The following TNIK variants were observed in gnomAD, a reference collection of about 807,000 sequenced individuals.
TNIK encodes the protein TRAF2 and NCK interacting kinase.
In TNIK, 49 loss-of-function variants were observed where a neutral mutation model predicts 191.3. The observed-to-expected ratio is 0.26, with a 90% CI of 0.20 to 0.32. The LOEUF (loss-of-function observed/expected upper bound fraction) is 0.32, where lower values mean the gene tolerates loss of function less well. TNIK is among the 10% of genes least tolerant of loss of function. The pLI, the probability that TNIK is intolerant of heterozygous loss-of-function variation, is 1.00. For synonymous variants in TNIK, 594 were observed against 600.9 expected (o/e 0.99, Z 0.17); for missense variants, 1,155 against 1,702.3 (o/e 0.68, Z 5.66).
At chr3:171,282,280 A>AT (rs1750517590) in intron 2 of TNIK, among the ~76,000 whole-genome samples, 1 of 150,268 alleles carries the variant, frequency 6.7e-6, no homozygotes, top group East Asian at 1.9e-4. Context: ...CAGCCAGAAG[A>AT]TTTTTTTTAA....
chr3:171,388,406 A>G (rs568432958), intron 1 of TNIK, among the ~76,000 whole-genome samples: 24 of 152,358 alleles, frequency 1.6e-4, no homozygotes, highest in Non-Finnish European at 2.9e-4. Flanking sequence ...AGTAACTTAC[A>G]TATTTTTAAA....
At chr3:171,201,550 C>T (rs1739404581) in intron 4 of TNIK, among the ~76,000 whole-genome samples, 1 of 152,190 alleles carries the variant, frequency 6.6e-6, no homozygotes, top group South Asian at 2.1e-4. Context: ...CAGATCTCAT[C>T]TGCATGATTT....
intron 18 of TNIK, among the ~76,000 whole-genome samples, chr3:171,116,709 CTT>C (rs1726757284): frequency 9.3e-6 from 1 of 107,606 alleles, no homozygotes; most frequent in Admixed American, 9.4e-5. Context: ...GTATTTCTGA[CTT>C]AATTTGAATC....
intron 1 of TNIK, among the ~76,000 whole-genome samples, chr3:171,412,187 C>T (rs974924140): frequency 2.6e-5 from 4 of 152,192 alleles, no homozygotes; most frequent in African/African-American, 9.7e-5. Context: ...GACAGGCAGA[C>T]ATCAAGTTCT....
intron 2 of TNIK, among the ~76,000 whole-genome samples, chr3:171,237,888 TTTAAAC>T: frequency 6.6e-6 from 1 of 152,254 alleles, no homozygotes; most frequent in East Asian, 1.9e-4. Flanking sequence ...TTGCACTCCT[TTTAAAC>T]TTAAACTAGA....
chr3:171,426,207 A>G (rs910089105), intron 1 of TNIK, among the ~76,000 whole-genome samples: 5 of 151,934 alleles, frequency 3.3e-5, no homozygotes. Context: ...CATATACACC[A>G]TGGAATACAA....
intron 1 of TNIK, 145 bp downstream of exon 1, chr3:171,459,862 G>T: frequency 9.7e-7 from 1 of 1,032,892 alleles, no homozygotes; most frequent in Non-Finnish European, 1.4e-6. Flanking sequence ...CAGCAACCCC[G>T]AATCAAAACG....
intron 1 of TNIK, among the ~76,000 whole-genome samples, chr3:171,387,782 G>T (rs1718929032): frequency 6.6e-6 from 1 of 152,126 alleles, no homozygotes; most frequent in South Asian, 2.1e-4. Context: ...CTAGGAGTGA[G>T]GCATATGAAG....
intron 2 of TNIK, among the ~76,000 whole-genome samples, chr3:171,298,401 T>C (rs1752547052): frequency 6.6e-6 from 1 of 152,234 alleles, no homozygotes; most frequent in Admixed American, 6.5e-5. Context: ...GAAATATATG[T>C]CTGTGGCAGA....
chr3:171,411,559 C>G lies in TNIK; in HGVS notation c.58-41874G>C, dbSNP rs77148087. On this transcript the variant is annotated intron_variant, in intron 1 of 32. Transcript: ENST00000436636. The stretch of plus-strand genomic sequence containing the variant: ...AGGTTTAATTCCAAATTTTGGTCAC[C>G]GAAAGACTTCATGGCTCACCTTTTT... Among the ~76,000 whole-genome samples the G allele has an allele frequency of 4.4e-3, 670 of 151,842 alleles. 5 individuals carry two copies. The highest frequency in any genetic ancestry group is 0.016 in the African/African-American group (644 of 41,414).
intron 2 of TNIK, among the ~76,000 whole-genome samples, chr3:171,229,959 G>A (rs1202331690): frequency 6.6e-6 from 1 of 152,140 alleles, no homozygotes; most frequent in Non-Finnish European, 1.5e-5. Context: ...CTCTGCCCAT[G>A]ACCACCGGCT....
At chr3:171,066,856 A>C in intron 30 of TNIK, 121 bp from the exon 31 acceptor site, 1 of 1,211,134 alleles carries the variant, frequency 8.3e-7, no homozygotes, top group Non-Finnish European at 1.1e-6. Flanking sequence ...TAAAGACTGA[A>C]ATTTGCTTTA....
chr3:171,234,541 G>C (rs887218317), intron 2 of TNIK, among the ~76,000 whole-genome samples: 1 of 152,162 alleles, frequency 6.6e-6, no homozygotes, highest in Non-Finnish European at 1.5e-5. Flanking sequence ...TTGCTTTCAA[G>C]ACTGTTCAGG....
intron 1 of TNIK, among the ~76,000 whole-genome samples, chr3:171,434,245 T>C (rs1725738127): frequency 6.6e-6 from 1 of 152,098 alleles, no homozygotes; most frequent in Admixed American, 6.5e-5. Flanking sequence ...CAAGGGTATC[T>C]TTTTTCAAAT....
intron 2 of TNIK, among the ~76,000 whole-genome samples, chr3:171,315,321 T>C (rs1168940845): frequency 6.6e-6 from 1 of 152,158 alleles, no homozygotes; most frequent in Non-Finnish European, 1.5e-5. Flanking sequence ...TTTTTTCCTG[T>C]TAATAGACAA....
chr3:171,452,110 A>C (rs2108731002), intron 1 of TNIK, among the ~76,000 whole-genome samples: 1 of 152,314 alleles, frequency 6.6e-6, no homozygotes, highest in South Asian at 2.1e-4. Flanking sequence ...CAGCAGCAAC[A>C]CTGTAAGGGA....
intron 1 of TNIK, among the ~76,000 whole-genome samples, chr3:171,450,670 T>C (rs1338400745): frequency 6.6e-6 from 1 of 152,238 alleles, no homozygotes; most frequent in Non-Finnish European, 1.5e-5. Context: ...CATGGTTTTA[T>C]GGCTTTATCC....
At chr3:171,400,815 A>C (rs1394748956) in intron 1 of TNIK, among the ~76,000 whole-genome samples, 1 of 152,186 alleles carries the variant, frequency 6.6e-6, no homozygotes, top group Non-Finnish European at 1.5e-5. Context: ...ATGCCCCCAA[A>C]GATACCAAGA....
chr3:171,228,083 G>C, intron 3 of TNIK, 82 bp downstream of exon 3: 1 of 1,443,180 alleles, frequency 6.9e-7, no homozygotes, highest in Non-Finnish European at 9.7e-7. Flanking sequence ...TTCTACTTAT[G>C]ATGGGCCTAT....
Sources: gnomAD v4.1 joint callset for allele counts (sites outside exome capture counted in the v4.1 genomes callset) on GRCh38, gnomAD v4.1.1 for gene constraint, MANE v1.5 for transcripts, NCBI Gene and HGNC (gene_info 2026-07-23, HGNC 2026-07-21) for gene names.